Variants in EYS observed in about 807,000 individuals in gnomAD.
The protein encoded by EYS is protein eyes shut homolog.
In EYS, 250 loss-of-function variants were observed where a neutral mutation model predicts 282.1. The ratio of observed to expected loss-of-function variants is 0.89; its 90% CI spans 0.80 to 0.98. EYS has a LOEUF of 0.98. EYS is among the 50% of genes least tolerant of loss of function. The pLI is 0.00. For missense variants in EYS, 4,016 were observed against 3,709.0 expected (o/e 1.08, Z -2.15); for synonymous variants, 1,355 against 1,282.9 (o/e 1.06, Z -1.20).
At chr6:65,120,428 C>G (rs1775502981) in intron 12 of EYS, among the ~76,000 whole-genome samples, 1 of 122,312 alleles carries the variant, frequency 8.2e-6, no homozygotes, top group Non-Finnish European at 1.7e-5. Flanking sequence ...ATTATCAATG[C>G]TTCCAGACAT....
intron 22 of EYS, among the ~76,000 whole-genome samples, chr6:64,745,732 T>TA (rs1279195049): frequency 6.6e-6 from 1 of 152,210 alleles, no homozygotes; most frequent in Non-Finnish European, 1.5e-5. Flanking sequence ...GAAAATTTCT[T>TA]ATGGTTTTTG....
At chr6:64,003,055 C>T (rs555985918) in intron 33 of EYS, among the ~76,000 whole-genome samples, 2 of 152,124 alleles carry the variant, frequency 1.3e-5, no homozygotes, top group African/African-American at 4.8e-5. Flanking sequence ...TTGGAAGTAA[C>T]CTAAGTGTTC....
intron 13 of EYS, among the ~76,000 whole-genome samples, chr6:65,039,558 T>C (rs1037165200): frequency 4.0e-5 from 6 of 151,560 alleles, no homozygotes; most frequent in African/African-American, 1.4e-4. Context: ...CTATGAATTA[T>C]CTTAACCACA....
chr6:63,825,839 C>A (rs901707404), intron 36 of EYS, among the ~76,000 whole-genome samples: 39 of 152,142 alleles, frequency 2.6e-4, no homozygotes, highest in African/African-American at 9.4e-4. Flanking sequence ...CAAGGCTCAT[C>A]AACACCCCTC....
intron 35 of EYS, among the ~76,000 whole-genome samples, chr6:63,867,756 G>A (rs887034616): frequency 6.6e-6 from 1 of 152,152 alleles, no homozygotes; most frequent in African/African-American, 2.4e-5. Flanking sequence ...AGGATTACCA[G>A]GGACTCTCCT....
intron 35 of EYS, among the ~76,000 whole-genome samples, chr6:63,927,969 G>A (rs1358243017): frequency 6.6e-6 from 1 of 152,168 alleles, no homozygotes; most frequent in African/African-American, 2.4e-5. Flanking sequence ...CTAGATTGAA[G>A]TCTCATGCAT....
At chr6:63,763,720 T>C (rs1001335696) in intron 40 of EYS, among the ~76,000 whole-genome samples, 5 of 151,850 alleles carry the variant, frequency 3.3e-5, no homozygotes, top group Admixed American at 2.6e-4. Flanking sequence ...CCAGCCATGC[T>C]GAACTGTGAG....
chr6:64,012,925 A>T (rs761772614), intron 33 of EYS, among the ~76,000 whole-genome samples: 1 of 152,212 alleles, frequency 6.6e-6, no homozygotes, highest in Non-Finnish European at 1.5e-5. Flanking sequence ...AGAGCTTTGT[A>T]TAAAAAGCGC....
intron 15 of EYS, among the ~76,000 whole-genome samples, chr6:64,928,509 T>C (rs1158507532): frequency 1.3e-5 from 2 of 152,132 alleles, no homozygotes; most frequent in African/African-American, 4.8e-5. Context: ...ACTAATGGCT[T>C]TCAATTCATT....
chr6:65,140,553 C>A (rs796956217), intron 12 of EYS, among the ~76,000 whole-genome samples: 1 of 151,340 alleles, frequency 6.6e-6, no homozygotes, highest in Non-Finnish European at 1.5e-5. Context: ...AGTGAACAGG[C>A]AACCTACAAA....
At chr6:64,087,473 A>T (rs1772194845) in intron 31 of EYS, among the ~76,000 whole-genome samples, 2 of 152,098 alleles carry the variant, frequency 1.3e-5, no homozygotes, top group African/African-American at 2.4e-5. Flanking sequence ...CTAATGTGAG[A>T]TGGAAGACTA....
chr6:63,939,032 C>T (rs1396517481), intron 35 of EYS, among the ~76,000 whole-genome samples: 1 of 152,006 alleles, frequency 6.6e-6, no homozygotes. Flanking sequence ...GGGGATTGAG[C>T]TCTGAGATCA....
chr6:64,717,284 G>A lies in EYS; in HGVS notation c.3444-91039C>T, dbSNP rs924181548. Reference sequence around the variant, plus strand: ...TGATATGAGTCTGCAAGCAATTGACGTATTATGGTCTCTGTTCAGTGAAAC... The same window carrying A: ...TGATATGAGTCTGCAAGCAATTGACATATTATGGTCTCTGTTCAGTGAAAC... On this transcript the variant is annotated intron_variant, in intron 22 of 42. Coordinates refer to ENST00000503581, the MANE Select transcript of EYS (RefSeq NM_001142800.2). Among the ~76,000 whole-genome samples the A allele has an allele frequency of 2.6e-4, 39 of 152,142 alleles. 1 individual carries two copies. The highest frequency in any genetic ancestry group is 9.4e-4 in the African/African-American group (39 of 41,440).
At chr6:64,270,945 C>G (rs1051150004) in intron 30 of EYS, among the ~76,000 whole-genome samples, 1 of 152,188 alleles carries the variant, frequency 6.6e-6, no homozygotes, top group African/African-American at 2.4e-5. Context: ...TTTATGACTT[C>G]CTTATTTTCA....
chr6:65,311,812 G>A (rs1416732948), intron 11 of EYS, among the ~76,000 whole-genome samples: 2 of 152,156 alleles, frequency 1.3e-5, no homozygotes, highest in Non-Finnish European at 2.9e-5. Context: ...GCAGAAATCA[G>A]TGTAGGTAGC....
At chr6:63,876,805 G>A (rs977293334) in intron 35 of EYS, among the ~76,000 whole-genome samples, 2 of 150,034 alleles carry the variant, frequency 1.3e-5, no homozygotes, top group South Asian at 2.1e-4. Context: ...CTTTTTTTTT[G>A]TTTTCCATTT....
At chr6:63,946,386 T>C (rs951194384) in intron 35 of EYS, among the ~76,000 whole-genome samples, 1 of 152,210 alleles carries the variant, frequency 6.6e-6, no homozygotes, top group Non-Finnish European at 1.5e-5. Context: ...TTTATAGAGT[T>C]TTATTTCTGT....
At chr6:64,168,902 A>G (rs1462123988) in intron 31 of EYS, among the ~76,000 whole-genome samples, 4 of 152,206 alleles carry the variant, frequency 2.6e-5, no homozygotes, top group African/African-American at 4.8e-5. Context: ...TACTGCTGTT[A>G]AAAAAGCAAA....
intron 12 of EYS, among the ~76,000 whole-genome samples, chr6:65,069,498 A>T (rs1773845531): frequency 6.6e-6 from 1 of 151,828 alleles, no homozygotes; most frequent in South Asian, 2.1e-4. Flanking sequence ...ATCTTACATA[A>T]TCTCGAGATG....
Sources: allele counts gnomAD v4.1 joint callset (sites outside exome capture counted in the v4.1 genomes callset), GRCh38; gene constraint gnomAD v4.1.1; transcripts MANE v1.5; gene names NCBI Gene and HGNC (gene_info 2026-07-23, HGNC 2026-07-21).